The following EBF1 variants were observed in gnomAD, a reference collection of about 807,000 sequenced individuals.
The protein encoded by EBF1 is transcription factor COE1.
Under a neutral mutation model 68.4 loss-of-function variants are expected in EBF1, and 10 were observed. That is an observed-to-expected ratio of 0.15 (90% CI 0.09 to 0.25). The LOEUF is 0.25. EBF1 is among the 10% of genes least tolerant of loss of function. The pLI is 1.00. For missense variants in EBF1, 509 were observed against 794.4 expected, an observed-to-expected ratio of 0.64 and a Z score of 4.32; for synonymous variants, 298 against 299.8, an observed-to-expected ratio of 0.99 and a Z score of 0.06.
At chr5:159,002,994 T>C (rs560960449) in intron 6 of EBF1, among the ~76,000 whole-genome samples, 217 of 152,346 alleles carry the variant, frequency 1.4e-3, no homozygotes, top group Middle Eastern at 6.8e-3. Context: ...GATCACTCTT[T>C]ACTCATGATG....
chr5:158,775,850 G>T (rs1290414728), intron 10 of EBF1, among the ~76,000 whole-genome samples: 1 of 148,722 alleles, frequency 6.7e-6, no homozygotes. Context: ...AAGTTCTCAT[G>T]GGAAAAATGA....
chr5:158,727,841 C>T (rs1322572692), intron 11 of EBF1, among the ~76,000 whole-genome samples: 1 of 152,186 alleles, frequency 6.6e-6, no homozygotes, highest in East Asian at 1.9e-4. Flanking sequence ...TTTGAAAAAG[C>T]ACATGCCTGT....
chr5:158,857,529 G>A (rs1794269838), intron 6 of EBF1, among the ~76,000 whole-genome samples: 1 of 152,038 alleles, frequency 6.6e-6, no homozygotes, highest in Non-Finnish European at 1.5e-5. Flanking sequence ...CATTGGACTA[G>A]AATCCTGCAC....
chr5:158,855,425 G>T (rs1793784991), intron 6 of EBF1, among the ~76,000 whole-genome samples: 1 of 152,218 alleles, frequency 6.6e-6, no homozygotes. Flanking sequence ...GGGTCACCCA[G>T]CTGATTAGTG....
intron 6 of EBF1, among the ~76,000 whole-genome samples, chr5:158,934,003 T>G (rs1811435545): frequency 6.6e-6 from 1 of 152,214 alleles, no homozygotes; most frequent in African/African-American, 2.4e-5. Context: ...AAAACGAAAC[T>G]TGCCCTCATT....
intron 14 of EBF1, among the ~76,000 whole-genome samples, chr5:158,710,707 C>T (rs555758348): frequency 6.6e-6 from 1 of 152,334 alleles, no homozygotes; most frequent in South Asian, 2.1e-4. Flanking sequence ...AATAACTTCT[C>T]TTACAGGGCA....
intron 3 of EBF1, among the ~76,000 whole-genome samples, chr5:159,096,052 GC>G (rs1782551342): frequency 6.6e-6 from 1 of 152,258 alleles, no homozygotes; most frequent in South Asian, 2.1e-4. Context: ...TGCAGCCTGG[GC>G]CAAGCCAAAG....
chr5:158,753,219 G>A (rs1013057625), intron 10 of EBF1, among the ~76,000 whole-genome samples: 5 of 152,002 alleles, frequency 3.3e-5, no homozygotes, highest in African/African-American at 4.8e-5. Context: ...AAAGGATACC[G>A]GAGTAGAAGC....
intron 8 of EBF1, among the ~76,000 whole-genome samples, chr5:158,806,272 T>C (rs576380660): frequency 6.6e-6 from 1 of 152,068 alleles, no homozygotes; most frequent in African/African-American, 2.4e-5. Flanking sequence ...GCAAACAAGG[T>C]GCGAACGAAA....
intron 7 of EBF1, among the ~76,000 whole-genome samples, chr5:158,838,997 C>T (rs1055179256): frequency 2.0e-5 from 3 of 152,152 alleles, no homozygotes; most frequent in South Asian, 4.1e-4. Context: ...GAATTCCAGT[C>T]CCACCCCAGA....
intron 6 of EBF1, among the ~76,000 whole-genome samples, chr5:159,052,351 G>GA (rs5872583): frequency 0.8 from 113,980 of 143,100 alleles, 45,253 homozygotes; most frequent in Non-Finnish European, 0.82. Flanking sequence ...AAAAGATATA[G>GA]AAAAAAAAAA....
chr5:159,073,588 A>G, intron 5 of EBF1, 124 bp from the exon 6 acceptor site: 1 of 978,880 alleles, frequency 1.0e-6, no homozygotes, highest in Non-Finnish European at 1.6e-6. Flanking sequence ...ATACCTGGCA[A>G]TCAACGGATC....
At position 159,095,616 on chromosome 5, in the gene EBF1, T is replaced by C. The variant is rs750361256; in HGVS notation, c.411+4A>G. On this transcript the variant is annotated splice_donor_region_variant and intron_variant, in intron 4 of 15. Coordinates refer to ENST00000313708, the MANE Select transcript of EBF1 (RefSeq NM_024007.5). ...CCCCCGTGGCCCAAAATCAAGAAACTTACTTGTTTTGTCATGGAGTCAATG... is the reference window on the plus strand; with the variant it reads ...CCCCCGTGGCCCAAAATCAAGAAACCTACTTGTTTTGTCATGGAGTCAATG... 1.2e-6 allele frequency: 2 copies of C among 1,613,872 alleles called. No homozygotes were observed. Among genetic ancestry groups the C allele is most frequent in the African/African-American group, 2.7e-5 (2 of 75,030 alleles).
intron 6 of EBF1, among the ~76,000 whole-genome samples, chr5:158,967,476 C>T (rs1225593399): frequency 6.6e-6 from 1 of 152,166 alleles, no homozygotes; most frequent in Non-Finnish European, 1.5e-5. Context: ...ACCTTCCAGC[C>T]TTTCAATGCT....
chr5:159,005,126 T>C (rs1026121881), intron 6 of EBF1, among the ~76,000 whole-genome samples: 2 of 152,194 alleles, frequency 1.3e-5, no homozygotes, highest in African/African-American at 2.4e-5. Flanking sequence ...TTGACATTCA[T>C]CCAGAACATC....
chr5:159,000,053 T>G (rs780842113), intron 6 of EBF1, among the ~76,000 whole-genome samples: 2 of 152,186 alleles, frequency 1.3e-5, no homozygotes, highest in African/African-American at 2.4e-5. Context: ...GACCTGACAT[T>G]TGTGCTGAAG....
At position 158,702,743 on chromosome 5, in the gene EBF1, C is replaced by CAA. The variant is rs58496050; in HGVS notation, c.1745-3603_1745-3602dup. ...TGGGCTACAGAGGGAGACTCCTTCT[C>CAA]AAAAAAAAAAAAAAAAAAAAAAAAA... On this transcript the variant is annotated intron_variant, in intron 15 of 15. Transcript: ENST00000313708. Among the ~76,000 whole-genome samples, 344 of 41,656 alleles carry CAA rather than the reference C, an allele frequency of 8.3e-3. 10 individuals are homozygous for CAA. Among genetic ancestry groups the CAA allele is most frequent in the Non-Finnish European group, 9.5e-3 (242 of 25,470 alleles). 27.3% of individuals were successfully genotyped at this position (41,656 alleles called of 152,430 possible). A position where few individuals can be genotyped will look rare whatever the true frequency, so the allele number is the denominator to read the frequency against.
intron 10 of EBF1, among the ~76,000 whole-genome samples, chr5:158,739,773 A>T (rs534183070): frequency 2.6e-5 from 4 of 152,278 alleles, no homozygotes; most frequent in Non-Finnish European, 5.9e-5. Flanking sequence ...CTTCCCAAAG[A>T]GTTTTGACAT....
chr5:158,798,204 G>C (rs1779920580), intron 8 of EBF1, among the ~76,000 whole-genome samples: 1 of 152,108 alleles, frequency 6.6e-6, no homozygotes, highest in South Asian at 2.1e-4. Context: ...TGCTAGAATG[G>C]AGTACAAAAG....
Sources: gnomAD v4.1 joint callset for allele counts (sites outside exome capture counted in the v4.1 genomes callset) on GRCh38, gnomAD v4.1.1 for gene constraint, MANE v1.5 for transcripts, NCBI Gene and HGNC (gene_info 2026-07-23, HGNC 2026-07-21) for gene names.